COTL1: variants seen among roughly 807,000 people sequenced by gnomAD.
COTL1 encodes coactosin-like protein.
In COTL1, 15 loss-of-function variants were observed where a neutral mutation model predicts 16.5. The observed-to-expected ratio is 0.91, with a 90% confidence interval of 0.61 to 1.40. COTL1 has a LOEUF of 1.40. Ranked by LOEUF, COTL1 falls within the 40% of genes most tolerant of loss-of-function variation. The probability of loss-of-function intolerance (pLI) is 0.00; values close to 1 mark genes in which losing one functional copy is unlikely to be tolerated. For synonymous variants in COTL1, 112 were observed against 85.3 expected (o/e 1.31, Z -1.73); for missense variants, 220 against 201.5 (o/e 1.09, Z -0.56).
At chr16:84,571,279 G>C (rs1056061933) in intron 3 of COTL1, among the ~76,000 whole-genome samples, 4 of 152,164 alleles carry the variant, frequency 2.6e-5, no homozygotes, top group African/African-American at 9.7e-5. Flanking sequence ...CCAGTGCAAA[G>C]CCGAGCAGAG....
intron 3 of COTL1, among the ~76,000 whole-genome samples, chr16:84,580,575 TCTTCC>T (rs1388678423): frequency 2.0e-5 from 3 of 152,162 alleles, no homozygotes; most frequent in Non-Finnish European, 2.9e-5. Flanking sequence ...GAGTTTCAGA[TCTTCC>T]CAGGGCTCCT....
chr16:84,592,884 G>C (rs749412898), intron 2 of COTL1, among the ~76,000 whole-genome samples: 6 of 152,206 alleles, frequency 3.9e-5, no homozygotes, highest in Non-Finnish European at 7.3e-5. Context: ...CCATGAATGC[G>C]TGATCCTAGC....
chr16:84,567,569 C>T (rs1904304309), intron 3 of COTL1: 1 of 152,426 alleles, frequency 6.6e-6, no homozygotes, highest in East Asian at 1.9e-4. Flanking sequence ...ACGCAGGAGC[C>T]TCCAGTCCTG....
chr16:84,573,201 C>T (rs1904370505), intron 3 of COTL1, among the ~76,000 whole-genome samples: 1 of 152,250 alleles, frequency 6.6e-6, no homozygotes, highest in Non-Finnish European at 1.5e-5. Context: ...CTGACGAGGT[C>T]CTTTACATTC....
intron 2 of COTL1, chr16:84,616,580 C>CTGTGCTGCCG (rs1457164565): frequency 1.3e-5 from 2 of 152,100 alleles, no homozygotes; most frequent in Non-Finnish European, 2.9e-5. Context: ...AACCTCCGGG[C>CTGTGCTGCCG]TGTGCTGCCG....
At chr16:84,578,207 T>G (rs1162640603) in intron 3 of COTL1, among the ~76,000 whole-genome samples, 1 of 152,198 alleles carries the variant, frequency 6.6e-6, no homozygotes, top group Non-Finnish European at 1.5e-5. Context: ...CTTCAACTTC[T>G]GCCCCATCAA....
rs567530623 is a variant in COTL1 at position 84,609,918 on chromosome 16, C to T, written c.160+7583G>A. On this transcript the variant is annotated intron_variant, in intron 2 of 3. Transcript: ENST00000262428. ...TTAAACCTCTTTTCTTTATAAATTA[C>T]CCAGTCACGGGTATTTCTTCATAGC... 6.2e-4 allele frequency among the ~76,000 whole-genome samples: 95 copies of T among 152,288 alleles called. 1 individual carries two copies. The highest frequency in any genetic ancestry group is 2.3e-3 in the African/African-American group (94 of 41,550).
intron 2 of COTL1, among the ~76,000 whole-genome samples, chr16:84,609,700 CAG>C (rs1378335566): frequency 6.6e-6 from 1 of 152,206 alleles, no homozygotes; most frequent in East Asian, 1.9e-4. Flanking sequence ...ATAATTGACT[CAG>C]GGGGGCAGTT....
At chr16:84,592,868 A>C (rs1389231618) in intron 2 of COTL1, among the ~76,000 whole-genome samples, 1 of 152,242 alleles carries the variant, frequency 6.6e-6, no homozygotes, top group Non-Finnish European at 1.5e-5. Flanking sequence ...CGCAGCTCTC[A>C]GCAGACCATG....
rs1389265495 is a variant in COTL1 at position 84,565,784 on chromosome 16, A to C, written c.*1061T>G. On this transcript the variant is annotated 3_prime_UTR_variant, in exon 4 of 4. Coordinates refer to ENST00000262428, the MANE Select transcript of COTL1 (RefSeq NM_021149.5). ...TCACCTTTCTTTAAAAACAAAACAA[A>C]ACGATCCTTTTGAATGTGTGGTGCA... The C allele has an allele frequency of 6.6e-6, 1 of 152,382 alleles. No individual in the cohort carries two copies. The highest frequency in any genetic ancestry group is 1.5e-5 in the Non-Finnish European group (1 of 68,042). 9.4% of individuals were successfully genotyped at this position (152,382 alleles called of 1,614,324 possible). A position where few individuals can be genotyped will look rare whatever the true frequency, so the allele number is the denominator to read the frequency against.
At chr16:84,574,122 C>T (rs572132180) in intron 3 of COTL1, among the ~76,000 whole-genome samples, 4 of 152,254 alleles carry the variant, frequency 2.6e-5, no homozygotes, top group Non-Finnish European at 4.4e-5. Flanking sequence ...GAGCCATGAT[C>T]GCACCACTGC....
intron 2 of COTL1, among the ~76,000 whole-genome samples, chr16:84,606,310 G>A (rs1905210176): frequency 6.6e-6 from 1 of 152,220 alleles, no homozygotes; most frequent in Non-Finnish European, 1.5e-5. Flanking sequence ...CCACTGGGCT[G>A]TTACTTTGGA....
At chr16:84,593,753 C>G (rs1411735112) in intron 2 of COTL1, among the ~76,000 whole-genome samples, 2 of 152,206 alleles carry the variant, frequency 1.3e-5, no homozygotes, top group African/African-American at 4.8e-5. Context: ...CCCACCTCGG[C>G]CTCCCAAAGT....
intron 2 of COTL1, among the ~76,000 whole-genome samples, chr16:84,600,510 A>C (rs989767561): frequency 1.3e-5 from 2 of 152,084 alleles, no homozygotes; most frequent in African/African-American, 4.8e-5. Flanking sequence ...ACGGGCTTTC[A>C]CCGTGTTGGC....
intron 3 of COTL1, among the ~76,000 whole-genome samples, chr16:84,584,513 G>A (rs920629144): frequency 2.6e-5 from 4 of 152,348 alleles, no homozygotes; most frequent in Non-Finnish European, 2.9e-5. Context: ...CACAGGTGAA[G>A]TATGAGCTTT....
chr16:84,583,668 C>T (rs1369084134), intron 3 of COTL1, among the ~76,000 whole-genome samples: 1 of 151,884 alleles, frequency 6.6e-6, no homozygotes, highest in African/African-American at 2.4e-5. Context: ...CTATGTTGAC[C>T]AGGCTGGTCT....
rs373020356 is a variant in COTL1 at position 84,573,042 on chromosome 16, C to T, written c.319-6087G>A. On this transcript the variant is annotated intron_variant, in intron 3 of 3. Coordinates refer to ENST00000262428, the MANE Select transcript of COTL1 (RefSeq NM_021149.5). ...GTGCTAGAATTACAGGCGTGAGCCA[C>T]TTTGCCTGGCCGGGAATTTTCAATT... 2.0e-5 allele frequency among the ~76,000 whole-genome samples: 3 copies of T among 152,306 alleles called. No homozygotes were observed. The East Asian group carries it at 5.8e-4, about 29-fold the overall frequency.
At chr16:84,591,454 G>C (rs1300727957) in intron 2 of COTL1, among the ~76,000 whole-genome samples, 2 of 151,040 alleles carry the variant, frequency 1.3e-5, no homozygotes, top group East Asian at 3.9e-4. Context: ...AAAGTGCTGG[G>C]ATTACAGGCG....
chr16:84,613,006 CTTT>C (rs71151230), intron 2 of COTL1, among the ~76,000 whole-genome samples: 1 of 137,254 alleles, frequency 7.3e-6, no homozygotes, highest in South Asian at 2.3e-4. Flanking sequence ...TTCTTTCTTT[CTTT>C]TTTTTTTTTG....
Sources: allele counts gnomAD v4.1 joint callset (sites outside exome capture counted in the v4.1 genomes callset), GRCh38; gene constraint gnomAD v4.1.1; transcripts MANE v1.5; gene names NCBI Gene and HGNC (gene_info 2026-07-23, HGNC 2026-07-21).